Variants in ST6GALNAC3 observed in about 807,000 individuals in gnomAD.
The protein encoded by ST6GALNAC3 is ST6 N-acetylgalactosaminide alpha-2,6-sialyltransferase 3.
ST6GALNAC3 carries 25 observed loss-of-function variants against 32.7 expected under a neutral mutation model. The observed-to-expected ratio is 0.76, with a 90% CI of 0.56 to 1.07. ST6GALNAC3 has a LOEUF of 1.07. Among genes scored for constraint, ST6GALNAC3 ranks in the 50% least tolerant of loss-of-function variants. ST6GALNAC3 has a pLI of 0.00. For missense variants in ST6GALNAC3, 355 were observed against 382.4 expected (o/e 0.93, Z 0.60); for synonymous variants, 129 against 133.1 (o/e 0.97, Z 0.21).
At chr1:76,523,880 C>T (rs1198751218) in intron 3 of ST6GALNAC3, among the ~76,000 whole-genome samples, 2 of 152,038 alleles carry the variant, frequency 1.3e-5, no homozygotes, top group Non-Finnish European at 2.9e-5. Flanking sequence ...TTTCTGTGTC[C>T]CCAACGGTGC....
At chr1:76,547,997 C>T (rs1664401078) in intron 3 of ST6GALNAC3, among the ~76,000 whole-genome samples, 1 of 152,076 alleles carries the variant, frequency 6.6e-6, no homozygotes, top group Admixed American at 6.6e-5. Flanking sequence ...AGATCATTAA[C>T]CACACCTTTC....
intron 2 of ST6GALNAC3, among the ~76,000 whole-genome samples, chr1:76,394,865 A>T (rs1033120654): frequency 3.3e-5 from 5 of 152,134 alleles, no homozygotes; most frequent in Non-Finnish European, 7.4e-5. Flanking sequence ...TTCAGCAGTG[A>T]CTCAAGGACA....
intron 1 of ST6GALNAC3, among the ~76,000 whole-genome samples, chr1:76,078,834 G>A (rs1394777752): frequency 1.3e-5 from 2 of 152,196 alleles, no homozygotes; most frequent in African/African-American, 2.4e-5. Context: ...AGGCTGGAGT[G>A]CAGTGGCGTG....
At chr1:76,350,216 G>C (rs958776322) in intron 2 of ST6GALNAC3, among the ~76,000 whole-genome samples, 1 of 151,756 alleles carries the variant, frequency 6.6e-6, no homozygotes, top group East Asian at 1.9e-4. Flanking sequence ...TTAAAGCAAC[G>C]GGGTCTCCCT....
intron 3 of ST6GALNAC3, among the ~76,000 whole-genome samples, chr1:76,546,358 A>G (rs1038952492): frequency 6.6e-6 from 1 of 152,174 alleles, no homozygotes; most frequent in African/African-American, 2.4e-5. Context: ...CTACTGAAGA[A>G]GGATAAAGAA....
At position 76,585,986 on chromosome 1, in the gene ST6GALNAC3, G is replaced by C. The variant is rs7529007; in HGVS notation, c.624-41466G>C. Among the ~76,000 whole-genome samples the C allele has an allele frequency of 4.1e-3, 628 of 152,186 alleles. 5 individuals carry two copies. Among genetic ancestry groups the C allele is most frequent in the African/African-American group, 0.015 (608 of 41,508 alleles). On this transcript the variant is annotated intron_variant, in intron 3 of 4. Coordinates refer to ENST00000328299, the MANE Select transcript of ST6GALNAC3 (RefSeq NM_152996.4). ...CTAATTAGATTTCATTTGTGAAAAG[G>C]GTTCTACAACCAAAAATGCTTAAAA... is the stretch of plus-strand genomic sequence containing the variant.
chr1:76,291,121 G>A (rs1660058476), intron 1 of ST6GALNAC3, among the ~76,000 whole-genome samples: 1 of 152,212 alleles, frequency 6.6e-6, no homozygotes, highest in Non-Finnish European at 1.5e-5. Flanking sequence ...CTAAGTGACC[G>A]CCATAACTTG....
At chr1:76,508,916 GGATAAACCA>G (rs1661655693) in intron 3 of ST6GALNAC3, among the ~76,000 whole-genome samples, 1 of 152,110 alleles carries the variant, frequency 6.6e-6, no homozygotes, top group Non-Finnish European at 1.5e-5. Context: ...TAAATTTCCA[GGATAAACCA>G]GATGGTGAGT....
chr1:76,521,618 G>A (rs769352446), intron 3 of ST6GALNAC3, among the ~76,000 whole-genome samples: 1 of 152,068 alleles, frequency 6.6e-6, no homozygotes, highest in South Asian at 2.1e-4. Flanking sequence ...TGTTATTTAT[G>A]AAGAAGAAGT....
At chr1:76,114,308 CTGTACT>C (rs920793439) in intron 1 of ST6GALNAC3, among the ~76,000 whole-genome samples, 3 of 152,122 alleles carry the variant, frequency 2.0e-5, no homozygotes, top group African/African-American at 7.2e-5. Context: ...GCATCCTATC[CTGTACT>C]TGTACTTGTA....
At chr1:76,440,762 C>T (rs1314856900) in intron 3 of ST6GALNAC3, among the ~76,000 whole-genome samples, 3 of 152,208 alleles carry the variant, frequency 2.0e-5, no homozygotes, top group Non-Finnish European at 2.9e-5. Context: ...AGATAAAAAA[C>T]GGATTTTTCT....
intron 3 of ST6GALNAC3, among the ~76,000 whole-genome samples, chr1:76,542,429 A>T (rs955148842): frequency 1.1e-4 from 16 of 152,178 alleles, no homozygotes; most frequent in Non-Finnish European, 2.1e-4. Flanking sequence ...CTGCTATGGA[A>T]TTATGACTAT....
Position 76,629,054 on chromosome 1 carries a change from T to A in ST6GALNAC3, c.*248T>A. On this transcript the variant is annotated 3_prime_UTR_variant, in exon 5 of 5. Coordinates refer to ENST00000328299, the MANE Select transcript of ST6GALNAC3 (RefSeq NM_152996.4). ...TACGTACCGCACTTTATAATTTAAC[T>A]GGAATTGAGATGAAGGCCAGTGACA... 2.4e-6 allele frequency: 3 copies of A among 1,236,414 alleles called. No individual in the cohort carries two copies. Among genetic ancestry groups the A allele is most frequent in the Non-Finnish European group, 3.0e-6 (3 of 989,548 alleles). The allele number at this position is 1,236,414 out of a possible 1,614,324, so 76.6% of individuals were successfully genotyped here.
chr1:76,621,333 T>C (rs1246445109), intron 3 of ST6GALNAC3, among the ~76,000 whole-genome samples: 1 of 152,104 alleles, frequency 6.6e-6, no homozygotes, highest in African/African-American at 2.4e-5. Flanking sequence ...CCTGGATTCC[T>C]TTCACTTGGT....
chr1:76,144,482 C>G (rs894625944), intron 1 of ST6GALNAC3, among the ~76,000 whole-genome samples: 1 of 152,194 alleles, frequency 6.6e-6, no homozygotes, highest in African/African-American at 2.4e-5. Flanking sequence ...CTTGTTCACT[C>G]ATTTGTTCAG....
At chr1:76,140,797 A>ATTTTTTTTTTTTTTTTTTTTT (rs3042284) in intron 1 of ST6GALNAC3, among the ~76,000 whole-genome samples, 1 of 120,416 alleles carries the variant, frequency 8.3e-6, no homozygotes, top group African/African-American at 3.2e-5. Flanking sequence ...TAATTTTCTA[A>ATTTTTTTTTTTTTTTTTTTTT]TTTTTTTTTT....
chr1:76,347,084 A>C lies in ST6GALNAC3; in HGVS notation c.213+33085A>C, dbSNP rs114668562. Among the ~76,000 whole-genome samples the C allele has an allele frequency of 3.1e-3, 467 of 152,008 alleles. 3 individuals are homozygous for C. The highest frequency in any genetic ancestry group is 0.01 in the African/African-American group (430 of 41,510). On this transcript the variant is annotated intron_variant, in intron 2 of 4. Transcript: ENST00000328299. ...TGTCTAATGAGCCGTCCTAAGGGTC[A>C]TCTCACTCTGTCAGACAATGTAATT...
intron 2 of ST6GALNAC3, among the ~76,000 whole-genome samples, chr1:76,322,368 CT>C (rs1356562630): frequency 6.6e-6 from 1 of 152,022 alleles, no homozygotes; most frequent in Non-Finnish European, 1.5e-5. Flanking sequence ...CAGCAATGAA[CT>C]GTAATTTAAA....
chr1:76,183,513 A>ACAGT (rs1314859947), intron 1 of ST6GALNAC3, among the ~76,000 whole-genome samples: 1 of 152,114 alleles, frequency 6.6e-6, no homozygotes, highest in Non-Finnish European at 1.5e-5. Flanking sequence ...ATATACATAT[A>ACAGT]CAGTCATGTG....
Sources: allele counts gnomAD v4.1 joint callset (sites outside exome capture counted in the v4.1 genomes callset), GRCh38; gene constraint gnomAD v4.1.1; transcripts MANE v1.5; gene names NCBI Gene and HGNC (gene_info 2026-07-23, HGNC 2026-07-21).